The following ACTR3C variants were observed in gnomAD, a reference collection of about 807,000 sequenced individuals.
ACTR3C encodes the protein actin-related protein 3C.
In ACTR3C, 18 loss-of-function variants were observed where a neutral mutation model predicts 26.3. The ratio of observed to expected loss-of-function variants is 0.68; its 90% confidence interval spans 0.47 to 1.01. The LOEUF is 1.01. Ranked by LOEUF, ACTR3C falls within the 50% of genes least tolerant of loss-of-function variation. The pLI is 0.00. For synonymous variants in ACTR3C, 55 were observed against 94.5 expected (o/e 0.58, Z 2.42); for missense variants, 184 against 250.7 (o/e 0.73, Z 1.80).
the ACTR3C span, among the ~76,000 whole-genome samples, chr7:150,035,105 CCA>C: frequency 7.2e-6 from 1 of 139,122 alleles, no homozygotes; most frequent in East Asian, 2.1e-4. Context: ...CACCTAAAAC[CCA>C]CAGTCCTCCA....
chr7:150,157,813 T>C, the ACTR3C span, among the ~76,000 whole-genome samples: 10 of 152,128 alleles, frequency 6.6e-5, no homozygotes, highest in Non-Finnish European at 1.0e-4. Flanking sequence ...CATTCAGTCA[T>C]CAATCCCGCT....
At chr7:149,906,218 G>A in the ACTR3C span, among the ~76,000 whole-genome samples, 1 of 151,828 alleles carries the variant, frequency 6.6e-6, no homozygotes, top group Non-Finnish European at 1.5e-5. Flanking sequence ...TGTAATATAC[G>A]GATAAAAATG....
the ACTR3C span, among the ~76,000 whole-genome samples, chr7:150,019,860 A>T: frequency 6.6e-6 from 1 of 152,106 alleles, no homozygotes; most frequent in African/African-American, 2.4e-5. Context: ...AAATCCACAG[A>T]ACTATAAATA....
chr7:150,047,104 C>G, the ACTR3C span, among the ~76,000 whole-genome samples: 1 of 151,130 alleles, frequency 6.6e-6, no homozygotes, highest in Non-Finnish European at 1.5e-5. Flanking sequence ...AGAAGAGGAA[C>G]GAAGGAGAGG....
chr7:150,149,742 A>C, the ACTR3C span, among the ~76,000 whole-genome samples: 3 of 151,978 alleles, frequency 2.0e-5, no homozygotes, highest in East Asian at 5.8e-4. Flanking sequence ...AATGCAATAC[A>C]GTGACTTTTA....
chr7:149,950,564 G>C, the ACTR3C span, among the ~76,000 whole-genome samples: 1 of 151,854 alleles, frequency 6.6e-6, no homozygotes, highest in East Asian at 1.9e-4. Context: ...GTTGGCCCCT[G>C]AACCACACGT....
At chr7:150,153,153 T>C in the ACTR3C span, among the ~76,000 whole-genome samples, 1 of 152,142 alleles carries the variant, frequency 6.6e-6, no homozygotes, top group Non-Finnish European at 1.5e-5. Flanking sequence ...ATTCAGGACA[T>C]AGGCATGGGC....
chr7:150,160,694 A>G, the ACTR3C span, among the ~76,000 whole-genome samples: 1 of 151,832 alleles, frequency 6.6e-6, no homozygotes, highest in Non-Finnish European at 1.5e-5. Flanking sequence ...ATGAAATCTC[A>G]TCCCTGAATT....
the ACTR3C span, among the ~76,000 whole-genome samples, chr7:149,987,820 A>G: frequency 6.6e-6 from 1 of 152,080 alleles, no homozygotes; most frequent in Non-Finnish European, 1.5e-5. Flanking sequence ...GTTTTCCTGT[A>G]TAATTAAGAA....
chr7:150,202,673 A>T, the ACTR3C span, among the ~76,000 whole-genome samples: 1 of 152,234 alleles, frequency 6.6e-6, no homozygotes, highest in East Asian at 1.9e-4. Context: ...ATAAAAACTT[A>T]GTTCCCAACT....
the ACTR3C span, among the ~76,000 whole-genome samples, chr7:150,003,562 G>A: frequency 6.6e-6 from 1 of 152,148 alleles, no homozygotes; most frequent in Non-Finnish European, 1.5e-5. Flanking sequence ...TATGTAGGAT[G>A]TGTGTTGTGT....
chr7:150,039,210 C>T, the ACTR3C span, among the ~76,000 whole-genome samples: 20 of 147,274 alleles, frequency 1.4e-4, no homozygotes, highest in East Asian at 4.2e-4. Flanking sequence ...CCCACCTCTG[C>T]GATGGGGGTC....
the ACTR3C span, among the ~76,000 whole-genome samples, chr7:149,882,526 A>C: frequency 6.6e-6 from 1 of 151,936 alleles, no homozygotes; most frequent in African/African-American, 2.4e-5. Context: ...CCATTCCGGG[A>C]GAGAGGAGAG....
chr7:150,081,396 T>A, the ACTR3C span, among the ~76,000 whole-genome samples: 1 of 151,572 alleles, frequency 6.6e-6, no homozygotes, highest in Non-Finnish European at 1.5e-5. Context: ...GAGGCTGGCT[T>A]TAGACAGGAT....
At chr7:149,999,126 C>T in the ACTR3C span, among the ~76,000 whole-genome samples, 3 of 150,726 alleles carry the variant, frequency 2.0e-5, no homozygotes, top group Admixed American at 1.3e-4. Context: ...CAGATCCCTG[C>T]TACCCAGACC....
At chr7:150,287,574 C>T (rs1263498017) in intron 4 of ACTR3C, among the ~76,000 whole-genome samples, 1 of 152,208 alleles carries the variant, frequency 6.6e-6, no homozygotes, top group African/African-American at 2.4e-5. Context: ...GGTGGGCCGC[C>T]CAGCTGGCGC....
At chr7:150,271,333 C>G (rs1336523728) in intron 6 of ACTR3C, among the ~76,000 whole-genome samples, 1 of 149,830 alleles carries the variant, frequency 6.7e-6, no homozygotes, top group East Asian at 2.0e-4. Context: ...TGCTCTCCCT[C>G]CCCTAACAGG....
the ACTR3C span, among the ~76,000 whole-genome samples, chr7:150,193,981 TACAC>T: frequency 7.4e-6 from 1 of 135,354 alleles, no homozygotes; most frequent in African/African-American, 2.9e-5. Context: ...AAAATACACA[TACAC>T]ACACAGACAC....
chr7:150,103,489 G>A, the ACTR3C span, among the ~76,000 whole-genome samples: 31 of 151,864 alleles, frequency 2.0e-4, no homozygotes, highest in Non-Finnish European at 3.5e-4. Context: ...ATTTCATGGT[G>A]GGGTTTCCCT....
Sources: allele counts gnomAD v4.1 joint callset (sites outside exome capture counted in the v4.1 genomes callset), GRCh38; gene constraint gnomAD v4.1.1; transcripts MANE v1.5; gene names NCBI Gene and HGNC (gene_info 2026-07-23, HGNC 2026-07-21).